The following ESRRG variants were observed in gnomAD, a reference collection of about 807,000 sequenced individuals.
The protein encoded by ESRRG is estrogen related receptor gamma, also known as estrogen-related receptor gamma.
In ESRRG, 13 loss-of-function variants were observed where a neutral mutation model predicts 44.0. That is an observed-to-expected ratio of 0.30 (90% confidence interval 0.19 to 0.47). The LOEUF (loss-of-function observed/expected upper bound fraction) is 0.47. Among genes scored for constraint, ESRRG ranks in the 20% least tolerant of loss-of-function variants. The pLI, the probability that ESRRG is intolerant of heterozygous loss-of-function variation, is 1.00. For synonymous variants in ESRRG, 215 were observed against 214.6 expected, an observed-to-expected ratio of 1.00 and a Z score of -0.02; for missense variants, 395 against 580.6, an observed-to-expected ratio of 0.68 and a Z score of 3.29.
At chr1:216,529,369 T>C (rs1194202897) in intron 5 of ESRRG, among the ~76,000 whole-genome samples, 3 of 152,290 alleles carry the variant, frequency 2.0e-5, no homozygotes, top group African/African-American at 7.2e-5. Context: ...CTGTTAAAGA[T>C]TATAATTTTT....
chr1:216,686,418 A>T (rs2077963605), intron 1 of ESRRG, among the ~76,000 whole-genome samples: 1 of 131,958 alleles, frequency 7.6e-6, no homozygotes, highest in East Asian at 2.4e-4. Flanking sequence ...TTTATTTTGT[A>T]GCATGACAGG....
chr1:216,953,414 G>C (rs2067319297), intron 1 of ESRRG, among the ~76,000 whole-genome samples: 1 of 152,052 alleles, frequency 6.6e-6, no homozygotes, highest in African/African-American at 2.4e-5. Flanking sequence ...ATAGAGCAAA[G>C]TTTTAAAGGC....
chr1:216,686,268 T>G (rs2077929921), intron 1 of ESRRG: 1 of 151,992 alleles, frequency 6.6e-6, no homozygotes, highest in African/African-American at 2.4e-5. Flanking sequence ...TCCTCTATCC[T>G]CTTTTTAAAT....
intron 2 of ESRRG, among the ~76,000 whole-genome samples, chr1:216,670,180 C>A (rs761892974): frequency 6.6e-6 from 1 of 152,194 alleles, no homozygotes; most frequent in Non-Finnish European, 1.5e-5. Flanking sequence ...TTTGTAAGTT[C>A]TTATTTTCTC....
intron 2 of ESRRG, among the ~76,000 whole-genome samples, chr1:216,794,710 G>C (rs11117679): frequency 0.017 from 2,642 of 152,278 alleles, 83 homozygotes; most frequent in African/African-American, 0.059. Context: ...AGTGAAAAGG[G>C]TTCACTGAGT....
intron 1 of ESRRG, among the ~76,000 whole-genome samples, chr1:217,001,896 A>C (rs2077076814): frequency 6.6e-6 from 1 of 152,226 alleles, no homozygotes; most frequent in African/African-American, 2.4e-5. Context: ...TCAAAAGTGA[A>C]AGGCCAAGAA....
At chr1:216,931,725 G>C (rs1331003918) in intron 2 of ESRRG, among the ~76,000 whole-genome samples, 1 of 151,470 alleles carries the variant, frequency 6.6e-6, no homozygotes, top group Non-Finnish European at 1.5e-5. Flanking sequence ...TGAGCTGTGG[G>C]AAGCAGGGAT....
At chr1:216,628,970 C>T (rs1212257431) in intron 3 of ESRRG, among the ~76,000 whole-genome samples, 1 of 152,072 alleles carries the variant, frequency 6.6e-6, no homozygotes, top group Non-Finnish European at 1.5e-5. Flanking sequence ...TGACTGACCT[C>T]TCCACTTGGA....
intron 6 of ESRRG, among the ~76,000 whole-genome samples, chr1:216,508,535 C>G (rs1438617559): frequency 6.6e-6 from 1 of 152,092 alleles, no homozygotes; most frequent in Non-Finnish European, 1.5e-5. Context: ...TTCCCTGGAG[C>G]GGGACTCAAG....
rs2094905288 is a variant in ESRRG at position 216,809,553 on chromosome 1, A to G, written c.-14+130029T>C. 2.6e-5 allele frequency among the ~76,000 whole-genome samples: 4 copies of G among 152,204 alleles called. No homozygotes were observed. The South Asian group carries it at 8.3e-4, about 31-fold the overall frequency. ...CTTTCCTGAAATTTAAGAACATTTTAAGACAAATCAGTGTGTTTAGAAAAC... is the reference window on the plus strand; with the variant it reads ...CTTTCCTGAAATTTAAGAACATTTTGAGACAAATCAGTGTGTTTAGAAAAC... On this transcript the variant is annotated intron_variant, in intron 2 of 7. Coordinates refer to the ESRRG transcript ENST00000359162.
intron 5 of ESRRG, among the ~76,000 whole-genome samples, chr1:216,548,222 C>T (rs1489579516): frequency 2.6e-5 from 4 of 152,006 alleles, no homozygotes; most frequent in African/African-American, 9.7e-5. Flanking sequence ...GCCTGCCCAC[C>T]TGTATGGCAT....
intron 2 of ESRRG, among the ~76,000 whole-genome samples, chr1:216,898,635 A>G (rs576668276): frequency 1.3e-5 from 2 of 152,212 alleles, no homozygotes; most frequent in South Asian, 4.1e-4. Context: ...AAATAAATTA[A>G]TTAATTAAAG....
intron 2 of ESRRG, among the ~76,000 whole-genome samples, chr1:216,754,438 G>A (rs1481883847): frequency 3.3e-5 from 5 of 151,908 alleles, no homozygotes; most frequent in Non-Finnish European, 7.4e-5. Flanking sequence ...CACTGCAAAG[G>A]TGACAGTCAA....
intron 1 of ESRRG, among the ~76,000 whole-genome samples, chr1:216,686,886 T>TA (rs1203036419): frequency 6.6e-6 from 1 of 152,114 alleles, no homozygotes; most frequent in Non-Finnish European, 1.5e-5. Flanking sequence ...TCTACTCAGA[T>TA]AAAAAACACA....
chr1:216,588,864 A>C (rs1484596620), intron 3 of ESRRG, among the ~76,000 whole-genome samples: 1 of 152,150 alleles, frequency 6.6e-6, no homozygotes, highest in African/African-American at 2.4e-5. Context: ...TTGGGAATCT[A>C]TCGGGTACTT....
intron 2 of ESRRG, among the ~76,000 whole-genome samples, chr1:216,791,314 C>A (rs1441008301): frequency 1.3e-5 from 2 of 152,024 alleles, no homozygotes; most frequent in African/African-American, 4.8e-5. Flanking sequence ...CCCTCTTTCT[C>A]CTGCTTGCTC....
At chr1:216,831,480 G>A (rs976876090) in intron 2 of ESRRG, among the ~76,000 whole-genome samples, 12 of 149,846 alleles carry the variant, frequency 8.0e-5, no homozygotes, top group Admixed American at 2.0e-4. Flanking sequence ...CTCATTCAAC[G>A]GGGGGAGGAA....
chr1:216,990,519 G>A (rs193239575), intron 1 of ESRRG, among the ~76,000 whole-genome samples: 2 of 152,046 alleles, frequency 1.3e-5, no homozygotes, highest in Middle Eastern at 6.8e-3. Context: ...TAAACTATGT[G>A]GGTCCACTTG....
chr1:216,667,014 T>C (rs2151324180), intron 2 of ESRRG, among the ~76,000 whole-genome samples: 1 of 152,156 alleles, frequency 6.6e-6, no homozygotes, highest in East Asian at 1.9e-4. Context: ...CGGGAACAGG[T>C]ACGTTTGAGT....
Sources: gnomAD v4.1 joint callset for allele counts (sites outside exome capture counted in the v4.1 genomes callset) on GRCh38, gnomAD v4.1.1 for gene constraint, MANE v1.5 for transcripts, NCBI Gene and HGNC (gene_info 2026-07-23, HGNC 2026-07-21) for gene names.